Variants in CACNA1C observed in about 807,000 individuals in gnomAD.
CACNA1C encodes the protein voltage-dependent L-type calcium channel subunit alpha-1C.
A neutral mutation model predicts 229.0 loss-of-function variants in CACNA1C; 30 were observed. The observed-to-expected ratio is 0.13, with a 90% confidence interval of 0.10 to 0.18. The LOEUF is 0.18. CACNA1C is among the 10% of genes least tolerant of loss of function. The pLI is 1.00. For synonymous variants in CACNA1C, 1,114 were observed against 1,132.5 expected (o/e 0.98, Z 0.33); for missense variants, 1,658 against 2,845.0 (o/e 0.58, Z 9.49).
chr12:2,596,164 A>G, intron 20 of CACNA1C, 161 bp downstream of exon 20: 2 of 633,190 alleles, frequency 3.2e-6, no homozygotes, highest in Non-Finnish European at 5.0e-6. Context: ...TTGATAGAAA[A>G]CCACCCTAGG....
Position 2,106,346 on chromosome 12 carries a change from C to G in CACNA1C, c.50-8878C>G, listed in dbSNP as rs543137977. ...CCCACCCCGGGGAGGGTTTCCACCT[C>G]AGCTGGGCATCGTGAAGCCACTGGG... On this transcript the variant is annotated intron_variant, in intron 1 of 46. Coordinates refer to ENST00000399655, the MANE Select transcript of CACNA1C (RefSeq NM_000719.7). 6.4e-4 allele frequency among the ~76,000 whole-genome samples: 36 copies of G among 55,888 alleles called. 1 individual carries two copies. The highest frequency in any genetic ancestry group is 6.3e-3 in the South Asian group (10 of 1,600). The allele number at this position is 55,888 out of a possible 152,430, so 36.7% of individuals were successfully genotyped here.
chr12:2,283,633 T>C (rs575635514), intron 3 of CACNA1C, among the ~76,000 whole-genome samples: 5 of 152,284 alleles, frequency 3.3e-5, no homozygotes, highest in African/African-American at 9.6e-5. Context: ...CACTGAAATG[T>C]TTATTGGCAC....
At chr12:2,362,985 C>T (rs980317944) in intron 3 of CACNA1C, among the ~76,000 whole-genome samples, 6 of 152,240 alleles carry the variant, frequency 3.9e-5, no homozygotes, top group African/African-American at 1.2e-4. Context: ...CTCCCAGTGG[C>T]CGTAACAGGC....
At chr12:2,282,851 AC>A (rs2091748142) in intron 3 of CACNA1C, among the ~76,000 whole-genome samples, 1 of 152,206 alleles carries the variant, frequency 6.6e-6, no homozygotes, top group Non-Finnish European at 1.5e-5. Context: ...GCCACTGAGA[AC>A]CAAGGCTCTT....
chr12:2,065,942 G>A (rs757397444), intron 1 of CACNA1C, among the ~76,000 whole-genome samples: 4 of 152,176 alleles, frequency 2.6e-5, no homozygotes, highest in Non-Finnish European at 5.9e-5. Context: ...AATGCGTGGA[G>A]CACCCTGTAT....
At chr12:2,576,731 C>A (rs74968248) in intron 13 of CACNA1C, among the ~76,000 whole-genome samples, 3 of 119,650 alleles carry the variant, frequency 2.5e-5, no homozygotes, top group Admixed American at 1.9e-4. Flanking sequence ...CCTGCAGGAC[C>A]GCCAGCTGTT....
chr12:2,495,842 A>T (rs2239092), intron 7 of CACNA1C, among the ~76,000 whole-genome samples: 22,139 of 152,198 alleles, frequency 0.15, 1,683 homozygotes, highest in Middle Eastern at 0.23. Context: ...ACACGTGCAC[A>T]TACACACACC....
At chr12:2,662,016 G>T (rs1434119249) in intron 34 of CACNA1C, among the ~76,000 whole-genome samples, 1 of 152,194 alleles carries the variant, frequency 6.6e-6, no homozygotes, top group African/African-American at 2.4e-5. Flanking sequence ...GCCAAGGCGG[G>T]TGGATCACGA....
intron 11 of CACNA1C, among the ~76,000 whole-genome samples, chr12:2,560,672 A>C (rs1033817239): frequency 6.6e-6 from 1 of 152,168 alleles, no homozygotes; most frequent in Non-Finnish European, 1.5e-5. Flanking sequence ...TGGGAGGACT[A>C]GCTTGCCCAG....
At chr12:1,989,041 C>CTA (rs2038638949) in intron 1 of CACNA1C, among the ~76,000 whole-genome samples, 2 of 152,176 alleles carry the variant, frequency 1.3e-5, no homozygotes. Context: ...CATTGCAATC[C>CTA]TATAACTGTG....
chr12:2,333,314 C>G (rs1028221725), intron 3 of CACNA1C, among the ~76,000 whole-genome samples: 5 of 152,206 alleles, frequency 3.3e-5, no homozygotes, highest in African/African-American at 1.2e-4. Flanking sequence ...GACTCCAAAA[C>G]CTGTGCTCTT....
At chr12:1,991,789 G>A (rs1312102277) in intron 1 of CACNA1C, 1 of 154,794 alleles carries the variant, frequency 6.5e-6, no homozygotes, top group African/African-American at 2.4e-5. Context: ...GAGAGTTTGT[G>A]TTTTTATATT....
At chr12:2,276,078 GA>G (rs369391654) in intron 3 of CACNA1C, among the ~76,000 whole-genome samples, 7,292 of 152,130 alleles carry the variant, frequency 0.048, 213 homozygotes, top group Middle Eastern at 0.068. Flanking sequence ...ATTTTTTAAT[GA>G]TTTTTTTTTC....
At chr12:2,175,554 G>T (rs187569441) in intron 3 of CACNA1C, among the ~76,000 whole-genome samples, 58 of 152,230 alleles carry the variant, frequency 3.8e-4, no homozygotes, top group Middle Eastern at 3.4e-3. Context: ...CACTGAGATG[G>T]GTGGGTGGGC....
At chr12:2,145,234 TA>T (rs200953700) in intron 3 of CACNA1C, among the ~76,000 whole-genome samples, 1 of 151,014 alleles carries the variant, frequency 6.6e-6, no homozygotes, top group Non-Finnish European at 1.5e-5. Flanking sequence ...TTTATTTTTG[TA>T]AAAAAAATGG....
intron 3 of CACNA1C, among the ~76,000 whole-genome samples, chr12:2,360,648 C>T (rs777656020): frequency 1.3e-5 from 2 of 152,170 alleles, no homozygotes; most frequent in African/African-American, 4.8e-5. Context: ...TGAGCTTGAG[C>T]AGGTCATTTT....
chr12:2,668,688 T>TA, intron 37 of CACNA1C: 2 of 464,244 alleles, frequency 4.3e-6, no homozygotes, highest in Non-Finnish European at 7.8e-6. Context: ...ACCACACACT[T>TA]ACTTAAACAA....
In CACNA1C at chr12:2,319,216, G is replaced by A. The variant is rs896544597; in HGVS notation, c.478-129760G>A. Among the ~76,000 whole-genome samples the A allele has an allele frequency of 1.8e-4, 28 of 152,064 alleles. No homozygotes were observed. The highest frequency in any genetic ancestry group is 6.0e-4 in the African/African-American group (25 of 41,396). On this transcript the variant is annotated intron_variant, in intron 3 of 46. Transcript: ENST00000399655. The surrounding 1 kb of genome is among the most constrained non-coding windows in gnomAD (Gnocchi z 4.0). ...TGGGCTCCCCTGCCCTGTCCTGGCA[G>A]TGTACATGATGAGCAGCTTACATGA...
At chr12:2,183,357 T>A (rs1377593694) in intron 3 of CACNA1C, among the ~76,000 whole-genome samples, 1 of 152,188 alleles carries the variant, frequency 6.6e-6, no homozygotes, top group Admixed American at 6.5e-5. Context: ...TAACACCTGC[T>A]CATAGGTCTG....
Sources: allele counts gnomAD v4.1 joint callset (sites outside exome capture counted in the v4.1 genomes callset), GRCh38; gene constraint gnomAD v4.1.1; non-coding constraint Gnocchi (gnomAD v3.1); transcripts MANE v1.5; gene names NCBI Gene and HGNC (gene_info 2026-07-23, HGNC 2026-07-21).